Variants in FOXP2 observed in about 807,000 individuals in gnomAD.
FOXP2 encodes the protein forkhead box protein P2.
A neutral mutation model predicts 115.8 loss-of-function variants in FOXP2; 12 were observed. The observed-to-expected ratio is 0.10, with a 90% CI of 0.07 to 0.17. FOXP2 has a LOEUF of 0.17. Among genes scored for constraint, FOXP2 ranks in the 10% least tolerant of loss-of-function variants. The pLI, the probability that FOXP2 is intolerant of heterozygous loss-of-function variation, is 1.00. For synonymous variants in FOXP2, 328 were observed against 297.7 expected, an observed-to-expected ratio of 1.10 and a Z score of -1.05; for missense variants, 629 against 843.5, an observed-to-expected ratio of 0.75 and a Z score of 3.15.
In FOXP2 at chr7:114,275,153, A is replaced by G. The variant is rs180839224; in HGVS notation, c.-101-12866A>G. On this transcript the variant is annotated intron_variant, in intron 1 of 17. Transcript: ENST00000634411. ...ACTTAGGTGTAGTTTTTTGACATTT[A>G]TTCTAATTGGTGTTCTCTGAGTTTT... Among the ~76,000 whole-genome samples the G allele has an allele frequency of 3.1e-3, 463 of 150,238 alleles. 5 individuals are homozygous for G. The highest frequency in any genetic ancestry group is 0.011 in the African/African-American group (448 of 40,842).
chr7:114,362,142 TAC>T (rs143554234), intron 2 of FOXP2, among the ~76,000 whole-genome samples: 231 of 152,016 alleles, frequency 1.5e-3, no homozygotes, highest in African/African-American at 5.1e-3. Context: ...ACAATGAACT[TAC>T]AGTTAAAGGT....
At chr7:114,275,558 C>G (rs1395490812) in intron 1 of FOXP2, among the ~76,000 whole-genome samples, 1 of 152,092 alleles carries the variant, frequency 6.6e-6, no homozygotes, top group African/African-American at 2.4e-5. Context: ...AGTTCCATCT[C>G]TTTGCTTCTA....
intron 2 of FOXP2, among the ~76,000 whole-genome samples, chr7:114,462,143 C>T (rs1268940198): frequency 6.6e-6 from 1 of 150,718 alleles, no homozygotes; most frequent in Non-Finnish European, 1.5e-5. Context: ...TAGCCGGGCG[C>T]GGTGGCACGT....
At chr7:114,384,548 A>G (rs1792393358) in intron 2 of FOXP2, among the ~76,000 whole-genome samples, 1 of 152,050 alleles carries the variant, frequency 6.6e-6, no homozygotes, top group Non-Finnish European at 1.5e-5. Context: ...CCTGGGAGGA[A>G]CCATCTACCA....
intron 2 of FOXP2, among the ~76,000 whole-genome samples, chr7:114,389,800 G>T (rs964023294): frequency 1.3e-5 from 2 of 152,090 alleles, no homozygotes; most frequent in Non-Finnish European, 2.9e-5. Flanking sequence ...GAGGTGGGTG[G>T]ATCAGCTAAG....
In FOXP2 at chr7:114,139,427, T is replaced by A. The variant is rs748447278; in HGVS notation, c.-246-23517T>A. Among the ~76,000 whole-genome samples, 89 of 152,162 alleles carry A rather than the reference T, an allele frequency of 5.8e-4. 1 individual carries two copies. Among genetic ancestry groups the A allele is most frequent in the Admixed American group, 2.6e-4 (4 of 15,272 alleles). ...CATAATAAAAAAGGTTTCTTTTATA[T>A]ATATATTACATTACATGAGGTTGGA... On this transcript the variant is annotated intron_variant, in intron 1 of 19. Transcript: ENST00000635638.
At chr7:114,445,599 A>C (rs1794799571) in intron 2 of FOXP2, among the ~76,000 whole-genome samples, 1 of 152,304 alleles carries the variant, frequency 6.6e-6, no homozygotes, top group Non-Finnish European at 1.5e-5. Context: ...GTTTTCAACT[A>C]TGTACATGGT....
In FOXP2 at chr7:114,400,336, C is replaced by G. The variant is rs191557523; in HGVS notation, c.-10-26166C>G. Among the ~76,000 whole-genome samples the G allele has an allele frequency of 3.5e-3, 526 of 151,718 alleles. 3 individuals are homozygous for G. Among genetic ancestry groups the G allele is most frequent in the Middle Eastern group, 0.01 (3 of 294 alleles). ...CAGAATTTTTAAGGACTGAGAAGTC[C>G]CTCATAAATTAATTTCCCATGTAAT... On this transcript the variant is annotated intron_variant, in intron 2 of 17. Coordinates refer to the FOXP2 transcript ENST00000634411.
At chr7:114,253,866 T>C (rs1795522418) in intron 1 of FOXP2, among the ~76,000 whole-genome samples, 1 of 152,262 alleles carries the variant, frequency 6.6e-6, no homozygotes, top group Non-Finnish European at 1.5e-5. Flanking sequence ...GCTCGTTACT[T>C]GATGCAGTTT....
rs538703763 is a variant in FOXP2, at chr7:114,194,549, T to A, written c.-102+31461T>A. ...ATTAAAGAGAGAAGATAGCGCTGAA[T>A]CCTCATACTACATGAAAACAACAAC... On this transcript the variant is annotated intron_variant, in intron 1 of 17. Coordinates refer to the FOXP2 transcript ENST00000634411. 3.9e-5 allele frequency among the ~76,000 whole-genome samples: 6 copies of A among 152,214 alleles called. No homozygotes were observed. The East Asian group carries it at 1.2e-3, about 29-fold the overall frequency.
chr7:114,137,396 T>G (rs1792068841), intron 1 of FOXP2, among the ~76,000 whole-genome samples: 1 of 152,108 alleles, frequency 6.6e-6, no homozygotes, highest in Admixed American at 6.5e-5. Context: ...TTGTGACCAG[T>G]ACTATAAGGA....
At chr7:114,384,280 AAC>A (rs1160066441) in intron 2 of FOXP2, among the ~76,000 whole-genome samples, 2 of 152,192 alleles carry the variant, frequency 1.3e-5, no homozygotes, top group Non-Finnish European at 2.9e-5. Context: ...AGTATTTCAT[AAC>A]AACCCAGCTG....
chr7:114,391,759 C>A (rs1373302978), intron 2 of FOXP2, among the ~76,000 whole-genome samples: 2 of 152,148 alleles, frequency 1.3e-5, no homozygotes. Context: ...ATCAACTGAT[C>A]TTGTTGTAAG....
At chr7:114,576,387 T>A (rs1229264390) in intron 3 of FOXP2, among the ~76,000 whole-genome samples, 1 of 151,878 alleles carries the variant, frequency 6.6e-6, no homozygotes, top group Non-Finnish European at 1.5e-5. Context: ...CACCTTCTAT[T>A]TCATTGTAAT....
chr7:114,572,121 T>C (rs1397016042), intron 3 of FOXP2, among the ~76,000 whole-genome samples: 5 of 151,730 alleles, frequency 3.3e-5, no homozygotes, highest in African/African-American at 9.7e-5. Flanking sequence ...AAAAATAGTG[T>C]CAAATTAATG....
At chr7:114,623,339 C>T (rs1804353083) in intron 3 of FOXP2, among the ~76,000 whole-genome samples, 2 of 151,722 alleles carry the variant, frequency 1.3e-5, no homozygotes, top group Admixed American at 6.6e-5. Context: ...TCAAGCTAGG[C>T]GATCAAGACT....
At chr7:114,544,241 C>T (rs1400995442) in intron 3 of FOXP2, among the ~76,000 whole-genome samples, 1 of 152,108 alleles carries the variant, frequency 6.6e-6, no homozygotes, top group African/African-American at 2.4e-5. Flanking sequence ...TCAGTAGAGA[C>T]TTTAATGGCC....
At chr7:114,527,491 C>T (rs1053558563) in intron 2 of FOXP2, among the ~76,000 whole-genome samples, 1 of 152,078 alleles carries the variant, frequency 6.6e-6, no homozygotes, top group African/African-American at 2.4e-5. Context: ...CTCTTCCTCT[C>T]TCTGTGGTGT....
At chr7:114,195,026 C>A (rs181162477) in intron 1 of FOXP2, among the ~76,000 whole-genome samples, 367 of 152,182 alleles carry the variant, frequency 2.4e-3, no homozygotes, top group Non-Finnish European at 4.6e-3. Flanking sequence ...GAGATTGAGG[C>A]AAATGCATTT....
Sources: allele counts gnomAD v4.1 joint callset (sites outside exome capture counted in the v4.1 genomes callset), GRCh38; gene constraint gnomAD v4.1.1; transcripts MANE v1.5; gene names NCBI Gene and HGNC (gene_info 2026-07-23, HGNC 2026-07-21).